EP400: variants seen among roughly 807,000 people sequenced by gnomAD.
The protein encoded by EP400 is E1A binding protein p400.
Under a neutral mutation model 354.1 loss-of-function variants are expected in EP400, and 105 were observed. The ratio of observed to expected loss-of-function variants is 0.30; its 90% CI spans 0.25 to 0.35. The LOEUF (loss-of-function observed/expected upper bound fraction) is 0.35, where lower values mean the gene tolerates loss of function less well. EP400 is among the 10% of genes least tolerant of loss of function. The pLI, the probability that EP400 is intolerant of heterozygous loss-of-function variation, is 1.00. For synonymous variants in EP400, 1,646 were observed against 1,716.9 expected, an observed-to-expected ratio of 0.96 and a Z score of 1.02; for missense variants, 3,280 against 4,121.0, an observed-to-expected ratio of 0.80 and a Z score of 5.59.
Position 132,045,487 on chromosome 12 carries a change from T to C in EP400, c.6953T>C (p.Phe2318Ser). Residue 2318 changes from phenylalanine (F) to serine (S), a missense_variant, in exon 38 of 53, where the codon TTT becomes TCT. Physicochemically the swap from Phe to Ser is radical, Grantham distance 155 (BLOSUM62 -2). This residue lies in a region of EP400 where 231 missense variants were observed against 257.9 expected (regional missense o/e 0.90). Coordinates refer to ENST00000389561, the MANE Select transcript of EP400 (RefSeq NM_015409.5). ...CCATTCGCCAAGCCCCTGCCAACTT[T>C]TGCCAAACCCACAGCTGAGCCTGGT... ...QVPFAKPLPT[F>S]AKPTAEPGQD... is the part of the protein sequence containing the mutation. 1.2e-6 allele frequency: 2 copies of C among 1,614,192 alleles called. No homozygotes were observed. Among genetic ancestry groups the C allele is most frequent in the Non-Finnish European group, 1.7e-6 (2 of 1,180,034 alleles).
rs759803031 is a variant in EP400 at position 132,076,583 on chromosome 12, C to T, written c.9089C>T (p.Ala3030Val). Residue 3030 changes from alanine (A) to valine (V), a missense_variant, in exon 52 of 53, where the codon GCT (alanine) becomes GTT (valine). Ala to Val is a moderately conservative substitution (Grantham distance 64, BLOSUM62 0). Around this residue, in one of 20 missense-constraint regions of EP400, gnomAD observed 279 missense variants for 386.7 expected, o/e 0.72. Coordinates refer to ENST00000389561, the MANE Select transcript of EP400 (RefSeq NM_015409.5). ...GCCAGCATCCAGCAAGTTGCCTCTG[C>T]TTCCCAGCAGGTAGGACGCATAGAC... is the stretch of plus-strand genomic sequence containing the variant. ...PVASIQQVAS[A>V]SQQASPQTVA... is the part of the protein sequence containing the mutation. 3.1e-6 allele frequency: 5 copies of T among 1,612,236 alleles called. No individual in the cohort carries two copies. In the Admixed American group the frequency reaches 8.3e-5, roughly 27 times the overall value.
At chr12:131,966,903 C>CAA (rs1179689543) in intron 2 of EP400, among the ~76,000 whole-genome samples, 2,351 of 57,358 alleles carry the variant, frequency 0.041, 215 homozygotes, top group African/African-American at 0.15. Context: ...AGACTTGTCT[C>CAA]AAAAAAAAAA....
At chr12:131,992,799 C>T (rs1333406543) in intron 11 of EP400, among the ~76,000 whole-genome samples, 2 of 152,078 alleles carry the variant, frequency 1.3e-5, no homozygotes, top group African/African-American at 4.8e-5. Flanking sequence ...CTTTCTTGGG[C>T]GTTTGTGTGG....
intron 2 of EP400, among the ~76,000 whole-genome samples, chr12:131,971,833 A>G (rs1367810899): frequency 2.0e-5 from 3 of 152,116 alleles, no homozygotes; most frequent in Admixed American, 6.6e-5. Context: ...CCTCCTCCAC[A>G]TCGTATTATG....
chr12:132,061,209 A>G (rs1895683484), intron 45 of EP400, among the ~76,000 whole-genome samples: 1 of 152,174 alleles, frequency 6.6e-6, no homozygotes, highest in South Asian at 2.1e-4. Flanking sequence ...GACTTTGGCA[A>G]GCATCCGTGG....
chr12:132,077,330 A>C, intron 52 of EP400, 71 bp from the exon 53 acceptor site: 1 of 1,537,634 alleles, frequency 6.5e-7, no homozygotes, highest in Non-Finnish European at 8.8e-7. Context: ...CCCATCCCAA[A>C]GAACGTCCAT....
At chr12:131,967,788 C>T (rs569323151) in intron 2 of EP400, among the ~76,000 whole-genome samples, 9 of 151,440 alleles carry the variant, frequency 5.9e-5, no homozygotes, top group Admixed American at 2.6e-4. Flanking sequence ...TAGTTCTCTT[C>T]GTTTTGCTTC....
At chr12:132,026,693 G>A (rs1182046247) in intron 25 of EP400, among the ~76,000 whole-genome samples, 2 of 152,118 alleles carry the variant, frequency 1.3e-5, no homozygotes, top group Non-Finnish European at 2.9e-5. Flanking sequence ...CAGCTTCAGA[G>A]GCCCCAGTAC....
intron 45 of EP400, 67 bp from the exon 46 acceptor site, chr12:132,062,043 T>C (rs1895711984): frequency 1.4e-6 from 2 of 1,437,360 alleles, no homozygotes; most frequent in Non-Finnish European, 1.9e-6. Context: ...TCTTCCCTGC[T>C]CTGAGTGTGA....
rs1895005684 is a variant in EP400, at chr12:132,044,161, C to T, written c.6451-16C>T. On this transcript the variant is annotated splice_polypyrimidine_tract_variant and intron_variant, in intron 34 of 52. Coordinates refer to ENST00000389561, the MANE Select transcript of EP400 (RefSeq NM_015409.5). ...GCACTCCTGATCCTGAAAGTTCTTGCTGCTCTCCCCGTCAGGACGCAGTGA... is the reference window on the plus strand; with the variant it reads ...GCACTCCTGATCCTGAAAGTTCTTGTTGCTCTCCCCGTCAGGACGCAGTGA... The T allele has an allele frequency of 1.2e-6, 2 of 1,612,120 alleles. No homozygotes were observed. Among genetic ancestry groups the T allele is most frequent in the Admixed American group, 1.7e-5 (1 of 59,908 alleles).
At chr12:132,028,389 T>A (rs1894378240) in intron 27 of EP400, 101 bp downstream of exon 27, 17 of 1,428,988 alleles carry the variant, frequency 1.2e-5, no homozygotes, top group Non-Finnish European at 1.5e-5. Flanking sequence ...CCCATCGGCT[T>A]CTCCCCACGC....
intron 48 of EP400, chr12:132,065,112 A>C: frequency 3.8e-6 from 3 of 799,468 alleles, no homozygotes; most frequent in Non-Finnish European, 3.8e-6. Flanking sequence ...CAAGCTTCTC[A>C]GGGCTTGAAT....
intron 10 of EP400, 59 bp from the exon 11 acceptor site, chr12:131,992,114 G>A (rs1437477301): frequency 6.4e-7 from 1 of 1,572,362 alleles, no homozygotes; most frequent in African/African-American, 1.3e-5. Flanking sequence ...CTGCTGTCTT[G>A]GTTTCCCATT....
In EP400 at chr12:132,029,614, G is replaced by C; in HGVS notation, c.5382-87G>C. On this transcript the variant is annotated intron_variant, in intron 27 of 52. Coordinates refer to ENST00000389561, the MANE Select transcript of EP400 (RefSeq NM_015409.5). The surrounding 1 kb of genome is among the most constrained non-coding windows in gnomAD (Gnocchi z 4.7). ...CTGTTTCCTGGGACTTGGACTGTCA[G>C]AAGTCTGCCCCATCTTTCAGGAGCC... 2 of 1,433,408 alleles carry C rather than the reference G, an allele frequency of 1.4e-6. No homozygotes were observed. Among genetic ancestry groups the C allele is most frequent in the Non-Finnish European group, 9.6e-7 (1 of 1,036,636 alleles). 88.8% of individuals were successfully genotyped at this position (1,433,408 alleles called of 1,614,324 possible).
At chr12:131,980,070 AATC>A (rs1892628176) in intron 3 of EP400, among the ~76,000 whole-genome samples, 1 of 152,200 alleles carries the variant, frequency 6.6e-6, no homozygotes, top group Non-Finnish European at 1.5e-5. Context: ...TTAAACACAA[AATC>A]ATCTGCTTTC....
intron 48 of EP400, 158 bp from the exon 49 acceptor site, chr12:132,066,616 G>A: frequency 1.4e-6 from 1 of 738,248 alleles, no homozygotes; most frequent in South Asian, 2.1e-5. Flanking sequence ...TTTCCCTGCG[G>A]CGTGCAGATC....
Position 131,988,834 on chromosome 12 carries a change from G to A in EP400, c.2409+944G>A, listed in dbSNP as rs185837640. Among the ~76,000 whole-genome samples, 14 of 152,194 alleles carry A rather than the reference G, an allele frequency of 9.2e-5. No individual in the cohort carries two copies. The East Asian group carries it at 2.3e-3, about 25-fold the overall frequency. ...TATTTTCTGTACTCTTAACGCTATG[G>A]CCTTGTGTTCCATCCCTTGCCCTGT... On this transcript the variant is annotated intron_variant, in intron 7 of 52. Transcript: ENST00000389561.
At chr12:132,028,948 G>T (rs559239179) in intron 27 of EP400, 1 of 152,436 alleles carries the variant, frequency 6.6e-6, no homozygotes, top group Non-Finnish European at 1.5e-5. Context: ...ACCTATTTCA[G>T]TTCTTTCAGA....
At position 132,021,126 on chromosome 12, in the gene EP400, C is replaced by T; in HGVS notation, c.4495C>T (p.Arg1499Ter). ...CTCTCAGGCTTCCGCCAGTGCTCCA[C>T]GACACCAGCCCGCCTCGGCCTCCAG... ...QTSQASASAPRHQPASASSTA... is the reference protein window; with the variant it reads ...QTSQASASAP Residue 1499 changes from arginine to a stop codon, truncating the protein, a stop_gained, in exon 23 of 53, where the codon CGA (arginine) becomes TGA (stop). Coordinates refer to ENST00000389561, the MANE Select transcript of EP400 (RefSeq NM_015409.5). LOFTEE classifies it high-confidence loss of function. The T allele has an allele frequency of 2.5e-6, 4 of 1,600,190 alleles. No individual in the cohort carries two copies. Among genetic ancestry groups the T allele is most frequent in the Non-Finnish European group, 3.4e-6 (4 of 1,179,776 alleles).
Sources: allele counts gnomAD v4.1 joint callset (sites outside exome capture counted in the v4.1 genomes callset), GRCh38; gene constraint gnomAD v4.1.1; regional missense constraint gnomAD v4.1.1; non-coding constraint Gnocchi (gnomAD v3.1); transcripts MANE v1.5; gene names NCBI Gene and HGNC (gene_info 2026-07-23, HGNC 2026-07-21).